The following TRPM6 variants were observed in gnomAD, a reference collection of about 807,000 sequenced individuals.
TRPM6 encodes the protein channel kinase 2.
A neutral mutation model predicts 247.6 loss-of-function variants in TRPM6; 111 were observed. That is an observed-to-expected ratio of 0.45 (90% CI 0.38 to 0.52). The LOEUF (loss-of-function observed/expected upper bound fraction) is 0.52, where lower values mean the gene tolerates loss of function less well. Ranked by LOEUF, TRPM6 falls within the 20% of genes least tolerant of loss-of-function variation. TRPM6 has a pLI of 0.00. For missense variants in TRPM6, 2,126 were observed against 2,421.5 expected (o/e 0.88, Z 2.56); for synonymous variants, 892 against 853.8 (o/e 1.04, Z -0.78).
Position 74,819,713 on chromosome 9 carries a change from A to G in TRPM6, c.1134+591T>C, listed in dbSNP as rs545912872. Among the ~76,000 whole-genome samples, 20 of 152,332 alleles carry G rather than the reference A, an allele frequency of 1.3e-4. No homozygotes were observed. In the South Asian group the frequency reaches 4.1e-3, roughly 32 times the overall value. On this transcript the variant is annotated intron_variant, in intron 9 of 38. Coordinates refer to ENST00000360774, the MANE Select transcript of TRPM6 (RefSeq NM_017662.5). ...TTACTCAGGACGCTGTGAGGCAGTC[A>G]TGTAACTCAGCACCATGAAGCTGTG...
At chr9:74,801,315 T>C (rs868713695) in intron 16 of TRPM6, among the ~76,000 whole-genome samples, 1 of 139,944 alleles carries the variant, frequency 7.1e-6, no homozygotes, top group African/African-American at 2.6e-5. Flanking sequence ...TGGAGTGCAG[T>C]GGCACGATCT....
At chr9:74,862,096 G>A (rs370558367) in intron 1 of TRPM6, among the ~76,000 whole-genome samples, 2,406 of 99,532 alleles carry the variant, frequency 0.024, no homozygotes, top group African/African-American at 0.026. Context: ...AAAACTACCA[G>A]AAAAAAAAAA....
At chr9:74,860,371 G>C in intron 1 of TRPM6, among the ~76,000 whole-genome samples, 1 of 151,782 alleles carries the variant, frequency 6.6e-6, no homozygotes, top group Non-Finnish European at 1.5e-5. Flanking sequence ...TTGAGACGGA[G>C]TCTTGCTCTG....
intron 13 of TRPM6, among the ~76,000 whole-genome samples, chr9:74,808,480 C>A (rs562614957): frequency 5.9e-5 from 9 of 152,222 alleles, no homozygotes; most frequent in African/African-American, 2.2e-4. Flanking sequence ...TATACACACA[C>A]GTTTGAGTAA....
chr9:74,816,490 CA>C (rs1198208301), intron 11 of TRPM6, among the ~76,000 whole-genome samples, 178 bp downstream of exon 11: 1 of 90,498 alleles, frequency 1.1e-5, no homozygotes, highest in East Asian at 3.6e-4. Flanking sequence ...AAAAAAAAAA[CA>C]GATGGTTTTC....
intron 17 of TRPM6, among the ~76,000 whole-genome samples, chr9:74,798,273 T>C (rs937727943): frequency 9.9e-5 from 15 of 152,084 alleles, no homozygotes; most frequent in African/African-American, 3.6e-4. Context: ...TTCTTTTTTT[T>C]TTTTTCATGA....
intron 1 of TRPM6, among the ~76,000 whole-genome samples, chr9:74,884,279 A>C (rs1372611775): frequency 6.6e-6 from 1 of 152,172 alleles, no homozygotes; most frequent in African/African-American, 2.4e-5. Context: ...TCACGAGGTC[A>C]AGAAATCAAG....
chr9:74,827,653 T>G, intron 7 of TRPM6, 125 bp downstream of exon 7: 1 of 976,622 alleles, frequency 1.0e-6, no homozygotes, highest in Middle Eastern at 2.1e-4. Context: ...GGGGGGTGGC[T>G]GAAGAGTATT....
chr9:74,843,786 G>A (rs1465818793), intron 3 of TRPM6, among the ~76,000 whole-genome samples: 1 of 145,372 alleles, frequency 6.9e-6, no homozygotes, highest in Non-Finnish European at 1.5e-5. Flanking sequence ...CTGCACTTCA[G>A]CCTGGGCGAC....
intron 3 of TRPM6, among the ~76,000 whole-genome samples, chr9:74,853,021 GC>G (rs1286235613): frequency 4.6e-5 from 7 of 151,814 alleles, no homozygotes; most frequent in Admixed American, 2.6e-4. Context: ...TCTCTGCCCG[GC>G]CCCCCGTCGT....
intron 8 of TRPM6, 104 bp downstream of exon 8, chr9:74,821,565 T>C (rs1829129027): frequency 2.2e-6 from 3 of 1,363,910 alleles, no homozygotes; most frequent in East Asian, 2.3e-5. Context: ...TCTCAACTTC[T>C]ATAATCCAAG....
chr9:74,724,625 A>T lies in TRPM6; in HGVS notation c.6057T>A (p.Asp2019Glu). ...RETGRNSPED[D>E]MQL The stretch of plus-strand genomic sequence containing the variant: ...TGCTCCTCCCTTTTTATAGTTGCAT[A>T]TCATCTTCTGGGGAATTTCTACCCG... The change falls in exon 39 of 39, where the codon GAT (aspartate) becomes GAA (glutamate). Residue 2019 changes from aspartate to glutamate, a missense_variant. By Grantham distance (45) the Asp-to-Glu change is conservative. Coordinates refer to ENST00000360774, the MANE Select transcript of TRPM6 (RefSeq NM_017662.5). 1.2e-6 allele frequency: 2 copies of T among 1,614,176 alleles called. No homozygotes were observed. The highest frequency in any genetic ancestry group is 2.7e-5 in the African/African-American group (2 of 75,044).
At chr9:74,766,774 G>A (rs188616918) in intron 25 of TRPM6, among the ~76,000 whole-genome samples, 28 of 152,136 alleles carry the variant, frequency 1.8e-4, no homozygotes, top group Non-Finnish European at 3.4e-4. Flanking sequence ...GCCGGGCGTG[G>A]TGGCAGGCAC....
At position 74,786,102 on chromosome 9, in the gene TRPM6, C is replaced by A. The variant is rs923220240; in HGVS notation, c.2691G>T (p.Lys897Asn). 2 of 1,614,190 alleles carry A rather than the reference C, an allele frequency of 1.2e-6. No individual in the cohort carries two copies. The highest frequency in any genetic ancestry group is 1.7e-6 in the Non-Finnish European group (2 of 1,180,016). Residue 897 changes from lysine (K) to asparagine (N), a missense_variant, in exon 21 of 39, where the codon AAG (lysine) becomes AAT (asparagine). By Grantham distance (94) the Lys-to-Asn change is moderately conservative (BLOSUM62 0). Around this residue, in one of 3 missense-constraint regions of TRPM6, gnomAD observed 1,082 missense variants for 1,307.9 expected, o/e 0.83. Coordinates refer to ENST00000360774, the MANE Select transcript of TRPM6 (RefSeq NM_017662.5). ...VREICISEPG[K>N]FTQKVKVWIS... ...TCCATACCTTCACCTTTTGGGTAAACTTCCCAGGTTCTGAAATACAGATCT... is the reference window on the plus strand; with the variant it reads ...TCCATACCTTCACCTTTTGGGTAAAATTCCCAGGTTCTGAAATACAGATCT...
chr9:74,853,729 G>A (rs989446504), intron 3 of TRPM6, among the ~76,000 whole-genome samples: 46 of 152,156 alleles, frequency 3.0e-4, no homozygotes, highest in Non-Finnish European at 5.0e-4. Flanking sequence ...GCGGAAGGCC[G>A]CAGGGTCCTC....
At chr9:74,798,230 G>A (rs1411915157) in intron 17 of TRPM6, among the ~76,000 whole-genome samples, 2 of 151,122 alleles carry the variant, frequency 1.3e-5, no homozygotes, top group African/African-American at 4.9e-5. Context: ...TCATTATTAA[G>A]TATGGTAAAC....
rs781537849 is a variant in TRPM6 at position 74,745,921 on chromosome 9, A to T, written c.5084-1776T>A. Among the ~76,000 whole-genome samples, 19 of 152,246 alleles carry T rather than the reference A, an allele frequency of 1.2e-4. 1 individual carries two copies. Among genetic ancestry groups the T allele is most frequent in the Non-Finnish European group, 2.1e-4 (14 of 68,046 alleles). ...ACAATAGTTTGGAGGCCATACTATA[A>T]TCCAAGGAAGAGATTACAACTGCTT... On this transcript the variant is annotated intron_variant, in intron 31 of 38. Transcript: ENST00000360774.
chr9:74,801,065 A>G (rs1828314561), intron 16 of TRPM6, among the ~76,000 whole-genome samples: 1 of 151,922 alleles, frequency 6.6e-6, no homozygotes, highest in Non-Finnish European at 1.5e-5. Flanking sequence ...ATTTTCGAGG[A>G]GAATGTTTCC....
At chr9:74,853,350 G>C (rs1830420556) in intron 3 of TRPM6, among the ~76,000 whole-genome samples, 1 of 152,248 alleles carries the variant, frequency 6.6e-6, no homozygotes, top group African/African-American at 2.4e-5. Context: ...CACCCCGTCT[G>C]GGAGGTGTAC....
Sources: allele counts gnomAD v4.1 joint callset (sites outside exome capture counted in the v4.1 genomes callset), GRCh38; gene constraint gnomAD v4.1.1; regional missense constraint gnomAD v4.1.1; transcripts MANE v1.5; gene names NCBI Gene and HGNC (gene_info 2026-07-23, HGNC 2026-07-21).